Variants in FRAS1 observed in about 807,000 individuals in gnomAD.
FRAS1 encodes Fraser extracellular matrix complex subunit 1, also known as extracellular matrix organizing protein FRAS1.
In FRAS1, 290 loss-of-function variants were observed where a neutral mutation model predicts 435.2. The ratio of observed to expected loss-of-function variants is 0.67; its 90% CI spans 0.61 to 0.73. The LOEUF (loss-of-function observed/expected upper bound fraction) is 0.73, where lower values mean the gene tolerates loss of function less well. FRAS1 is among the 30% of genes least tolerant of loss of function. The pLI is 0.00. For missense variants in FRAS1, 4,860 were observed against 5,001.5 expected, an observed-to-expected ratio of 0.97 and a Z score of 0.85; for synonymous variants, 1,800 against 1,851.0, an observed-to-expected ratio of 0.97 and a Z score of 0.71.
At chr4:78,124,608 T>C (rs1031145066) in intron 2 of FRAS1, among the ~76,000 whole-genome samples, 2 of 151,958 alleles carry the variant, frequency 1.3e-5, no homozygotes, top group Non-Finnish European at 2.9e-5. Context: ...GGTCCTGGAC[T>C]TTTTTTTGGT....
At position 78,286,467 on chromosome 4, in the gene FRAS1, C is replaced by T. The variant is rs1438327358; in HGVS notation, c.1462C>T (p.Leu488=). The change falls in exon 14 of 74, where the codon CTG becomes TTG. Residue 488 remains leucine, a synonymous_variant. Transcript: ENST00000512123. The stretch of plus-strand genomic sequence containing the variant: ...GGAGTGCTCATCCTGCCAGCCTCCC[C>T]TGCTGATGCGGCACGGGCAGTGTGT... The part of the protein sequence containing the change: ...GLECSSCQPP[L]LMRHGQCVPT... 6.2e-7 allele frequency: 1 copy of T among 1,613,736 alleles called. No homozygotes were observed. Among genetic ancestry groups the T allele is most frequent in the African/African-American group, 1.3e-5 (1 of 75,040 alleles).
In FRAS1 at chr4:78,363,606, G is replaced by T; in HGVS notation, c.2516G>T (p.Gly839Val). 1 of 1,608,262 alleles carries T rather than the reference G, an allele frequency of 6.2e-7. No homozygotes were observed. The highest frequency in any genetic ancestry group is 2.2e-5 in the East Asian group (1 of 44,586). Residue 839 changes from glycine to valine, a missense_variant, in exon 21 of 74, where the codon GGG becomes GTG. Gly to Val is a moderately radical substitution (Grantham distance 109, BLOSUM62 -3). Coordinates refer to ENST00000512123, the MANE Select transcript of FRAS1 (RefSeq NM_025074.7). ...CAGAATGCCCACTACCTGCTGCTCG[G>T]GGACCACTGTGTTCCTGACTGCCCT... Reference protein sequence around the residue: ...RCQNAHYLLLGDHCVPDCPSG... With the variant: ...RCQNAHYLLLVDHCVPDCPSG...
Position 78,466,349 on chromosome 4 carries a change from G to A in FRAS1, c.7171G>A (p.Gly2391Ser), listed in dbSNP as rs990501513. 3.0e-5 allele frequency: 48 copies of A among 1,613,858 alleles called. No individual in the cohort carries two copies. The highest frequency in any genetic ancestry group is 4.0e-5 in the African/African-American group (3 of 74,916). ...GAACCGGGTCAGCTACAGCCATGAC[G>A]GCAGTAACTCCCTCAAGGACCGGTT... ...YQNRVSYSHD[G>S]SNSLKDRFTF... Residue 2391 changes from glycine to serine, a missense_variant, in exon 50 of 74, where the codon GGC becomes AGC. Transcript: ENST00000512123.
chr4:78,302,100 C>T (rs1025776495), intron 14 of FRAS1, among the ~76,000 whole-genome samples: 17 of 150,560 alleles, frequency 1.1e-4, no homozygotes, highest in South Asian at 2.1e-4. Context: ...TGAGAATATG[C>T]GGTGTTTGGT....
intron 7 of FRAS1, 114 bp from the exon 8 acceptor site, chr4:78,266,720 C>T: frequency 1.4e-6 from 1 of 740,542 alleles, no homozygotes; most frequent in South Asian, 1.6e-5. Flanking sequence ...AGAGTACATT[C>T]AATGTGGCTC....
rs774231016 is a variant in FRAS1, at chr4:78,452,400, A to G, written c.6763+46A>G. ...TTTACTGAATCAAAACTTAGACCTT[A>G]GTAAGTATTGAGGGCAGCCACATCA... On this transcript the variant is annotated intron_variant, in intron 47 of 73. Coordinates refer to ENST00000512123, the MANE Select transcript of FRAS1 (RefSeq NM_025074.7). 12 of 1,471,548 alleles carry G rather than the reference A, an allele frequency of 8.2e-6. No homozygotes were observed. In the African/African-American group the frequency reaches 1.1e-4, roughly 14 times the overall value. 91.2% of individuals were successfully genotyped at this position (1,471,548 alleles called of 1,614,324 possible).
At chr4:78,129,625 G>A (rs1719581680) in intron 2 of FRAS1, among the ~76,000 whole-genome samples, 1 of 152,102 alleles carries the variant, frequency 6.6e-6, no homozygotes, top group Admixed American at 6.5e-5. Context: ...GTAGCTGAGG[G>A]CCAGCTTGAG....
At chr4:78,354,013 AAAAAT>A (rs1560673856) in intron 20 of FRAS1, among the ~76,000 whole-genome samples, 1 of 6,956 alleles carries the variant, frequency 1.4e-4, no homozygotes, top group Non-Finnish European at 2.9e-4. Flanking sequence ...AAATTAAAAA[AAAAAT>A]AAAATAAAAA....
chr4:78,177,476 T>C (rs1436725446), intron 2 of FRAS1, among the ~76,000 whole-genome samples: 4 of 152,104 alleles, frequency 2.6e-5, no homozygotes, highest in Admixed American at 2.0e-4. Context: ...GTTGGGGACA[T>C]TGGTCTATGG....
chr4:78,116,382 C>G (rs1352909407), intron 2 of FRAS1, among the ~76,000 whole-genome samples: 2 of 152,068 alleles, frequency 1.3e-5, no homozygotes, highest in Non-Finnish European at 2.9e-5. Flanking sequence ...TCCTGGATAT[C>G]CTTGTTAACT....
chr4:78,265,786 C>T (rs963208423), intron 7 of FRAS1, among the ~76,000 whole-genome samples: 3 of 152,204 alleles, frequency 2.0e-5, no homozygotes, highest in Non-Finnish European at 2.9e-5. Context: ...ACTTCCCTTA[C>T]TCGCCAGCCA....
At position 78,508,866 on chromosome 4, in the gene FRAS1, G is replaced by C; in HGVS notation, c.9640G>C (p.Glu3214Gln). 1 of 1,613,862 alleles carries C rather than the reference G, an allele frequency of 6.2e-7. No individual in the cohort carries two copies. The highest frequency in any genetic ancestry group is 8.5e-7 in the Non-Finnish European group (1 of 1,179,850). Residue 3214 changes from glutamate to glutamine, a missense_variant, in exon 63 of 74, where the codon GAG (glutamate) becomes CAG (glutamine). Coordinates refer to ENST00000512123, the MANE Select transcript of FRAS1 (RefSeq NM_025074.7). ...TTTCCCCAGATACGCTGTCATGAAG[G>C]AGCGCTGCAGTGAGGCCGGCATCAA... ...PHFPRYAVMK[E>Q]RCSEAGINQT...
intron 2 of FRAS1, among the ~76,000 whole-genome samples, chr4:78,133,477 GT>G (rs919297166): frequency 6.6e-6 from 1 of 151,854 alleles, no homozygotes; most frequent in Non-Finnish European, 1.5e-5. Flanking sequence ...AGTCACTATG[GT>G]TTATAATAAT....
At chr4:78,540,503 A>G (rs567466869) in intron 73 of FRAS1, 28 bp from the exon 74 acceptor site, 1 of 1,443,958 alleles carries the variant, frequency 6.9e-7, no homozygotes, top group Admixed American at 2.4e-5. Flanking sequence ...GTGGGCAACA[A>G]CAACATGTTC....
chr4:78,293,749 T>C (rs1422958286), intron 14 of FRAS1, among the ~76,000 whole-genome samples: 1 of 152,216 alleles, frequency 6.6e-6, no homozygotes, highest in Non-Finnish European at 1.5e-5. Context: ...CTTTGGATAT[T>C]ATATTCATAT....
intron 56 of FRAS1, 92 bp from the exon 57 acceptor site, chr4:78,481,712 A>T: frequency 7.2e-7 from 1 of 1,390,724 alleles, no homozygotes; most frequent in Non-Finnish European, 1.0e-6. Flanking sequence ...AAAAGCTGCC[A>T]CTATTGCAGT....
At chr4:78,406,170 C>T (rs933460914) in intron 30 of FRAS1, among the ~76,000 whole-genome samples, 1 of 152,184 alleles carries the variant, frequency 6.6e-6, no homozygotes, top group Admixed American at 6.5e-5. Flanking sequence ...TGACCAGCTT[C>T]ATGATCAGAT....
At chr4:78,150,273 A>T (rs1720590858) in intron 2 of FRAS1, among the ~76,000 whole-genome samples, 1 of 152,198 alleles carries the variant, frequency 6.6e-6, no homozygotes. Flanking sequence ...CAAGATAAGT[A>T]GTTTTCAAAC....
intron 30 of FRAS1, among the ~76,000 whole-genome samples, chr4:78,404,951 A>G (rs1449463786): frequency 6.6e-6 from 1 of 152,196 alleles, no homozygotes; most frequent in East Asian, 1.9e-4. Context: ...GAAAACTAAC[A>G]GTGACTCCCA....
Sources: allele counts gnomAD v4.1 joint callset (sites outside exome capture counted in the v4.1 genomes callset), GRCh38; gene constraint gnomAD v4.1.1; transcripts MANE v1.5; gene names NCBI Gene and HGNC (gene_info 2026-07-23, HGNC 2026-07-21).